The following CSNK2A2 variants were observed in gnomAD, a reference collection of about 807,000 sequenced individuals.
CSNK2A2 encodes the protein casein kinase 2 alpha 2, also known as casein kinase II subunit alpha'.
CSNK2A2 carries 8 observed loss-of-function variants against 54.0 expected under a neutral mutation model. The ratio of observed to expected loss-of-function variants is 0.15; its 90% CI spans 0.09 to 0.27. The LOEUF (loss-of-function observed/expected upper bound fraction) is 0.27. Among genes scored for constraint, CSNK2A2 ranks in the 10% least tolerant of loss-of-function variants. The pLI is 1.00. For synonymous variants in CSNK2A2, 141 were observed against 153.9 expected (o/e 0.92, Z 0.62); for missense variants, 242 against 439.4 (o/e 0.55, Z 4.02).
chr16:58,181,337 G>A (rs763912349), intron 4 of CSNK2A2, among the ~76,000 whole-genome samples: 39 of 152,310 alleles, frequency 2.6e-4, no homozygotes, highest in Admixed American at 6.5e-4. Flanking sequence ...CACCGGAAAC[G>A]GGAAAATGAG....
At chr16:58,179,990 A>T (rs1432760711) in intron 4 of CSNK2A2, among the ~76,000 whole-genome samples, 1 of 151,894 alleles carries the variant, frequency 6.6e-6, no homozygotes, top group Non-Finnish European at 1.5e-5. Flanking sequence ...GAGGCAGGAG[A>T]ATCACTTGAA....
chr16:58,162,237 ACT>A (rs1239343085), intron 11 of CSNK2A2: 1 of 152,206 alleles, frequency 6.6e-6, no homozygotes, highest in East Asian at 1.9e-4. Context: ...AATCTCAAAC[ACT>A]GAGTTTTGCT....
chr16:58,171,973 ATATATATTTTT>A (rs1326413487), intron 5 of CSNK2A2, among the ~76,000 whole-genome samples: 23 of 37,832 alleles, frequency 6.1e-4, no homozygotes, highest in African/African-American at 3.6e-3. Flanking sequence ...ATATATATAT[ATATATATTTTT>A]TTTTTTTTTT....
intron 11 of CSNK2A2, among the ~76,000 whole-genome samples, chr16:58,158,758 G>C (rs1309591913): frequency 6.6e-6 from 1 of 152,156 alleles, no homozygotes; most frequent in Non-Finnish European, 1.5e-5. Flanking sequence ...GATTATCTGA[G>C]GTGTCTTAGG....
chr16:58,167,436 A>T (rs532047529), intron 7 of CSNK2A2, 128 bp from the exon 8 acceptor site: 195 of 655,940 alleles, frequency 3.0e-4, no homozygotes, highest in East Asian at 7.9e-4. Context: ...TTTAAAAAAA[A>T]TTTTTTTTAA....
intron 5 of CSNK2A2, 189 bp downstream of exon 5, chr16:58,174,262 T>C: frequency 1.9e-6 from 1 of 514,032 alleles, no homozygotes; most frequent in Non-Finnish European, 3.4e-6. Flanking sequence ...TTGGCCACTT[T>C]TTTCCCAGTT....
rs1485668622 is a variant in CSNK2A2 at position 58,167,324 on chromosome 16, C to T, written c.625-16G>A. 5 of 1,575,250 alleles carry T rather than the reference C, an allele frequency of 3.2e-6. No homozygotes were observed. The highest frequency in any genetic ancestry group is 4.3e-6 in the Non-Finnish European group (5 of 1,149,470). On this transcript the variant is annotated splice_polypyrimidine_tract_variant and intron_variant, in intron 7 of 11. Transcript: ENST00000262506. ...AATCATACATCTGAGGCAATAAGGA[C>T]AACGCATTAGCCAAGGGTATTAGAA...
chr16:58,177,669 T>C (rs1024562670), intron 4 of CSNK2A2, among the ~76,000 whole-genome samples: 1 of 152,202 alleles, frequency 6.6e-6, no homozygotes, highest in Admixed American at 6.5e-5. Flanking sequence ...ACCTGCCAGA[T>C]GTGGGAATCA....
intron 4 of CSNK2A2, among the ~76,000 whole-genome samples, chr16:58,175,069 G>A (rs909578344): frequency 2.2e-4 from 33 of 152,138 alleles, no homozygotes; most frequent in Admixed American, 6.5e-4. Context: ...TCTGCTCCCC[G>A]GAAACCAATT....
At chr16:58,172,945 G>C (rs1961780141) in intron 5 of CSNK2A2, among the ~76,000 whole-genome samples, 1 of 152,188 alleles carries the variant, frequency 6.6e-6, no homozygotes, top group African/African-American at 2.4e-5. Flanking sequence ...TGGGACCTAA[G>C]GGCAGGCTAG....
intron 2 of CSNK2A2, chr16:58,192,845 G>A (rs1962350385): frequency 2.0e-5 from 3 of 152,154 alleles, no homozygotes; most frequent in South Asian, 2.1e-4. Context: ...ACTACATGAC[G>A]CTGAGCATAT....
intron 2 of CSNK2A2, among the ~76,000 whole-genome samples, chr16:58,196,075 G>C (rs1962436737): frequency 6.6e-6 from 1 of 152,184 alleles, no homozygotes; most frequent in Non-Finnish European, 1.5e-5. Context: ...CATACAGCAT[G>C]CACCAAGAGT....
chr16:58,163,509 A>C (rs924942293), intron 11 of CSNK2A2: 11 of 132,698 alleles, frequency 8.3e-5, no homozygotes, highest in Non-Finnish European at 1.7e-4. Context: ...GGGATGAGGT[A>C]CATTTCCTGG....
At chr16:58,162,572 TCAAA>T (rs1236516087) in intron 11 of CSNK2A2, 3 of 152,202 alleles carry the variant, frequency 2.0e-5, no homozygotes, top group Non-Finnish European at 4.4e-5. Context: ...AACAAATGTT[TCAAA>T]CAAACATCTA....
chr16:58,187,022 A>T (rs1962210482), intron 2 of CSNK2A2, among the ~76,000 whole-genome samples, 166 bp from the exon 3 acceptor site: 1 of 152,134 alleles, frequency 6.6e-6, no homozygotes, highest in African/African-American at 2.4e-5. Flanking sequence ...GGGCTTGCCC[A>T]TAAGAACCTT....
chr16:58,158,643 C>T (rs957465469), intron 11 of CSNK2A2, among the ~76,000 whole-genome samples: 18 of 152,314 alleles, frequency 1.2e-4, no homozygotes, highest in Admixed American at 5.9e-4. Flanking sequence ...CCCCATCCCT[C>T]GGGTCCAGGG....
intron 2 of CSNK2A2, among the ~76,000 whole-genome samples, chr16:58,188,591 G>A (rs1217797189): frequency 1.3e-5 from 2 of 152,210 alleles, no homozygotes; most frequent in Non-Finnish European, 2.9e-5. Flanking sequence ...ACATTATAAG[G>A]ATAGCTGGCA....
chr16:58,180,838 T>C (rs1962018247), intron 4 of CSNK2A2, among the ~76,000 whole-genome samples: 1 of 152,156 alleles, frequency 6.6e-6, no homozygotes, highest in African/African-American at 2.4e-5. Flanking sequence ...GTTATTAATA[T>C]ACTTTACACT....
At chr16:58,170,007 T>C (rs746544067) in intron 5 of CSNK2A2, among the ~76,000 whole-genome samples, 10 of 152,050 alleles carry the variant, frequency 6.6e-5, no homozygotes, top group East Asian at 1.9e-4. Flanking sequence ...GATGGCACCA[T>C]TGCACTTCAG....
Sources: allele counts gnomAD v4.1 joint callset (sites outside exome capture counted in the v4.1 genomes callset), GRCh38; gene constraint gnomAD v4.1.1; transcripts MANE v1.5; gene names NCBI Gene and HGNC (gene_info 2026-07-23, HGNC 2026-07-21).